Variants in DNASE1 observed in about 807,000 individuals in gnomAD.
The protein encoded by DNASE1 is deoxyribonuclease 1.
In DNASE1, 40 loss-of-function variants were observed where a neutral mutation model predicts 33.9. The ratio of observed to expected loss-of-function variants is 1.18; its 90% CI spans 0.92 to 1.54. The LOEUF (loss-of-function observed/expected upper bound fraction) is 1.54. DNASE1 is among the 40% of genes most tolerant of loss of function. The probability of loss-of-function intolerance (pLI) is 0.00; values close to 1 mark genes in which losing one functional copy is unlikely to be tolerated. For synonymous variants in DNASE1, 216 were observed against 160.0 expected, an observed-to-expected ratio of 1.35 and a Z score of -2.64; for missense variants, 518 against 372.6, an observed-to-expected ratio of 1.39 and a Z score of -3.21.
intron 1 of DNASE1, among the ~76,000 whole-genome samples, chr16:3,635,745 T>C (rs1267966460): frequency 9.2e-5 from 14 of 151,858 alleles, no homozygotes. Flanking sequence ...AAATATTCCC[T>C]CTACTGTTTT....
rs142411168 is a variant in DNASE1, at chr16:3,656,550, G to A, written c.321-88G>A. On this transcript the variant is annotated intron_variant, in intron 4 of 8. Transcript: ENST00000246949. Reference sequence around the variant, plus strand: ...TGCCTGGCTCCCCCGCCCTCCTGTCGCCTGGGACGCGACGCCTGCCTCCTG... The same window carrying A: ...TGCCTGGCTCCCCCGCCCTCCTGTCACCTGGGACGCGACGCCTGCCTCCTG... 111 of 1,142,636 alleles carry A rather than the reference G, an allele frequency of 9.7e-5. No individual in the cohort carries two copies. The African/African-American group carries it at 1.1e-3, about 12-fold the overall frequency. The allele number at this position is 1,142,636 out of a possible 1,614,324, so 70.8% of individuals were successfully genotyped here.
intron 1 of DNASE1, among the ~76,000 whole-genome samples, chr16:3,633,481 G>A (rs1459739995): frequency 6.6e-6 from 1 of 151,992 alleles, no homozygotes; most frequent in Non-Finnish European, 1.5e-5. Flanking sequence ...GGTGGTGGAC[G>A]CCTGTAATCC....
At chr16:3,663,733 A>C in exon 10 of DNASE1, 1 of 759,844 alleles carries the variant, frequency 1.3e-6, no homozygotes, top group Non-Finnish European at 2.1e-6. Context: ...CCTGGGTCTA[A>C]GGAAGGCTCT....
intron 1 of DNASE1, among the ~76,000 whole-genome samples, chr16:3,648,153 A>G (rs1437577480): frequency 6.6e-6 from 1 of 152,182 alleles, no homozygotes; most frequent in African/African-American, 2.4e-5. Flanking sequence ...TGGGCAACAG[A>G]GCAAGAACCT....
chr16:3,649,560 AAAG>A (rs1211219169), intron 1 of DNASE1, among the ~76,000 whole-genome samples: 2 of 152,258 alleles, frequency 1.3e-5, no homozygotes, highest in Non-Finnish European at 2.9e-5. Context: ...GAAGGATAGA[AAAG>A]AAGTTATATT....
chr16:3,648,893 A>G (rs1204316185), intron 1 of DNASE1, among the ~76,000 whole-genome samples: 1 of 152,212 alleles, frequency 6.6e-6, no homozygotes, highest in Non-Finnish European at 1.5e-5. Context: ...ATCCATCTCA[A>G]AATGTGAACT....
intron 1 of DNASE1, among the ~76,000 whole-genome samples, chr16:3,645,511 T>G (rs2151197357): frequency 6.6e-6 from 1 of 152,348 alleles, no homozygotes; most frequent in South Asian, 2.1e-4. Flanking sequence ...TTAGACAAAC[T>G]TCTTTTCATT....
In DNASE1 at chr16:3,663,230, A is replaced by G; in HGVS notation, c.*5277A>G. Reference sequence around the variant, plus strand: ...CTCCAGAAGCCACCGTGGCAGGAGCACTGGACAGACCCCTGATATCTAAAC... The same window carrying G: ...CTCCAGAAGCCACCGTGGCAGGAGCGCTGGACAGACCCCTGATATCTAAAC... On this transcript the variant is annotated 3_prime_UTR_variant, in exon 10 of 10. Coordinates refer to the DNASE1 transcript ENST00000407479. The G allele has an allele frequency of 4.1e-6, 3 of 734,960 alleles. No individual in the cohort carries two copies. In the South Asian group the frequency reaches 5.7e-5, roughly 14 times the overall value. 45.5% of individuals were successfully genotyped at this position (734,960 alleles called of 1,614,324 possible). A position where few individuals can be genotyped will look rare whatever the true frequency, so the allele number is the denominator to read the frequency against.
intron 1 of DNASE1, among the ~76,000 whole-genome samples, chr16:3,626,825 A>G (rs1359961906): frequency 6.6e-6 from 1 of 152,094 alleles, no homozygotes; most frequent in East Asian, 1.9e-4. Context: ...TGCTGTCTTG[A>G]TGAATTGACC....
upstream of DNASE1, among the ~76,000 whole-genome samples, chr16:3,650,458 G>C (rs1233171330): frequency 6.6e-6 from 1 of 152,096 alleles, no homozygotes; most frequent in East Asian, 1.9e-4. Flanking sequence ...GCCCCAATGA[G>C]CTATTTGAAC....
At position 3,655,373 on chromosome 16, in the gene DNASE1, G is replaced by T; in HGVS notation, c.-1G>T. ...GTCTCTGTGCCCTGTGCTCTCCCAG[G>T]ATGAGGGGCATGAAGCTGCTGGGGG... On this transcript the variant is annotated splice_region_variant and 5_prime_UTR_variant, in exon 2 of 9. Transcript: ENST00000246949. 3 of 1,614,140 alleles carry T rather than the reference G, an allele frequency of 1.9e-6. No homozygotes were observed. The South Asian group carries it at 3.3e-5, about 18-fold the overall frequency.
intron 7 of DNASE1, 99 bp from the exon 8 acceptor site, chr16:3,657,621 C>A: frequency 6.6e-7 from 1 of 1,522,146 alleles, no homozygotes. Flanking sequence ...CACAGACCTG[C>A]ACTGGCAGGT....
Position 3,664,468 on chromosome 16 carries a change from G to C in DNASE1, c.*6515G>C, listed in dbSNP as rs748319278. The C allele has an allele frequency of 1.9e-6, 3 of 1,604,956 alleles. No individual in the cohort carries two copies. In the East Asian group the frequency reaches 6.7e-5, roughly 36 times the overall value. On this transcript the variant is annotated 3_prime_UTR_variant, in exon 10 of 10. Coordinates refer to the DNASE1 transcript ENST00000407479. ...AGCTTTGCTATGTCCTCCTAGAAGG[G>C]ACGGGGCAGGTCACCACTTATTCCA... is the stretch of plus-strand genomic sequence containing the variant.
chr16:3,651,412 C>A (rs935660525), upstream of DNASE1: 2 of 152,210 alleles, frequency 1.3e-5, no homozygotes, highest in African/African-American at 2.4e-5. Flanking sequence ...TCCTCGTTGC[C>A]GTTGGCTGCC....
chr16:3,651,349 C>T (rs747559154), upstream of DNASE1: 8 of 152,224 alleles, frequency 5.3e-5, no homozygotes, highest in East Asian at 1.9e-4. Context: ...TGCAGATCCT[C>T]GGGGTTGGTG....
Position 3,656,738 on chromosome 16 carries a change from T to C in DNASE1, c.421T>C (p.Phe141Leu). The change falls in exon 5 of 9, where the codon TTC becomes CTC. Residue 141 changes from phenylalanine to leucine, a missense_variant. Physicochemically the swap from Phe to Leu is conservative, Grantham distance 22. Transcript: ENST00000246949. Reference sequence around the variant, plus strand: ...CCGAGAGCCAGCCATTGTCAGGTTCTTCTCCCGGTTCACAGGTGGGTGCTG... The same window carrying C: ...CCGAGAGCCAGCCATTGTCAGGTTCCTCTCCCGGTTCACAGGTGGGTGCTG... ...FNREPAIVRF[F>L]SRFTEVREFA... 2 of 1,609,322 alleles carry C rather than the reference T, an allele frequency of 1.2e-6. No homozygotes were observed. Among genetic ancestry groups the C allele is most frequent in the Non-Finnish European group, 1.7e-6 (2 of 1,177,796 alleles).
chr16:3,654,474 T>C (rs1241425089), upstream of DNASE1: 1 of 398,540 alleles, frequency 2.5e-6, no homozygotes, highest in South Asian at 1.3e-4. Context: ...TTTGCAACTT[T>C]GGATGTGGCT....
intron 1 of DNASE1, among the ~76,000 whole-genome samples, chr16:3,613,435 G>A (rs984444578): frequency 3.3e-5 from 5 of 152,178 alleles, no homozygotes; most frequent in African/African-American, 1.2e-4. Context: ...GAACATTCGT[G>A]TTCATAACAC....
At chr16:3,646,057 G>A (rs1043041075) in intron 1 of DNASE1, among the ~76,000 whole-genome samples, 1 of 152,160 alleles carries the variant, frequency 6.6e-6, no homozygotes, top group African/African-American at 2.4e-5. Context: ...AGAGCCAGCC[G>A]AGTAGAGCCA....
Sources: allele counts gnomAD v4.1 joint callset (sites outside exome capture counted in the v4.1 genomes callset), GRCh38; gene constraint gnomAD v4.1.1; transcripts MANE v1.5; gene names NCBI Gene and HGNC (gene_info 2026-07-23, HGNC 2026-07-21).